Variants in PTPRT observed in about 807,000 individuals in gnomAD.
PTPRT encodes protein tyrosine phosphatase receptor type T.
Under a neutral mutation model 176.8 loss-of-function variants are expected in PTPRT, and 56 were observed. The ratio of observed to expected loss-of-function variants is 0.32; its 90% CI spans 0.26 to 0.40. The LOEUF (loss-of-function observed/expected upper bound fraction) is 0.40, where lower values mean the gene tolerates loss of function less well. PTPRT is among the 10% of genes least tolerant of loss of function. PTPRT has a pLI of 1.00. For synonymous variants in PTPRT, 783 were observed against 739.0 expected, an observed-to-expected ratio of 1.06 and a Z score of -0.96; for missense variants, 1,540 against 1,908.2, an observed-to-expected ratio of 0.81 and a Z score of 3.60.
At chr20:42,524,996 T>C (rs2072243306) in intron 7 of PTPRT, among the ~76,000 whole-genome samples, 1 of 152,178 alleles carries the variant, frequency 6.6e-6, no homozygotes, top group Admixed American at 6.5e-5. Context: ...CATTATCCCA[T>C]TATTCATGCA....
intron 15 of PTPRT, among the ~76,000 whole-genome samples, chr20:42,232,813 CAAAAAAA>C (rs5841454): frequency 1.6e-4 from 10 of 63,238 alleles, no homozygotes; most frequent in African/African-American, 2.9e-4. Flanking sequence ...CTCTGTTTTA[CAAAAAAA>C]AAAAAAAAAA....
intron 6 of PTPRT, among the ~76,000 whole-genome samples, chr20:42,727,296 T>A (rs900769797): frequency 6.6e-6 from 1 of 152,238 alleles, no homozygotes; most frequent in African/African-American, 2.4e-5. Context: ...TTACTTGACA[T>A]CTTTCGGTGA....
intron 13 of PTPRT, among the ~76,000 whole-genome samples, chr20:42,265,774 C>T (rs904689490): frequency 7.2e-5 from 11 of 152,158 alleles, no homozygotes; most frequent in Admixed American, 4.6e-4. Flanking sequence ...CAGGGCATGA[C>T]CCTAGGGAGA....
chr20:42,832,737 G>GA (rs368618133), intron 2 of PTPRT, among the ~76,000 whole-genome samples: 1,066 of 64,410 alleles, frequency 0.017, 18 homozygotes, highest in African/African-American at 0.057. Flanking sequence ...GAAAAGCAAA[G>GA]AAAAAAAAAC....
In PTPRT at chr20:42,603,583, G is replaced by C. The variant is rs146374837; in HGVS notation, c.1153+74283C>G. ...ATAAACAAGGAGTTCGGATTTCATT[G>C]TAAGTGCAATAGGAAGCTCTTAGGG... On this transcript the variant is annotated intron_variant, in intron 7 of 30. Coordinates refer to ENST00000373187, the MANE Select transcript of PTPRT (RefSeq NM_007050.6). Among the ~76,000 whole-genome samples the C allele has an allele frequency of 2.4e-4, 37 of 152,288 alleles. 1 individual carries two copies. In the East Asian group the frequency reaches 6.8e-3, roughly 28 times the overall value.
chr20:42,552,596 C>T (rs1013035782), intron 7 of PTPRT, among the ~76,000 whole-genome samples: 3 of 152,096 alleles, frequency 2.0e-5, no homozygotes, highest in African/African-American at 4.8e-5. Flanking sequence ...AAAATAAATA[C>T]ATTTAATCAC....
intron 16 of PTPRT, among the ~76,000 whole-genome samples, chr20:42,164,064 T>C (rs751839623): frequency 1.3e-5 from 2 of 152,212 alleles, no homozygotes; most frequent in African/African-American, 2.4e-5. Flanking sequence ...TACCTAAAGC[T>C]TGGAGTCATG....
At chr20:43,103,076 T>C (rs575903699) in intron 1 of PTPRT, among the ~76,000 whole-genome samples, 5 of 152,294 alleles carry the variant, frequency 3.3e-5, no homozygotes, top group East Asian at 3.9e-4. Context: ...CCCTGTTTAC[T>C]ACCTGCCAAC....
At chr20:42,987,201 C>T (rs1354472163) in intron 1 of PTPRT, among the ~76,000 whole-genome samples, 2 of 152,196 alleles carry the variant, frequency 1.3e-5, no homozygotes, top group East Asian at 3.9e-4. Flanking sequence ...GGTGATACCA[C>T]TGCCCTGCCA....
chr20:42,191,048 G>A (rs190787815), intron 16 of PTPRT, among the ~76,000 whole-genome samples: 5 of 152,112 alleles, frequency 3.3e-5, no homozygotes, highest in East Asian at 3.9e-4. Flanking sequence ...CACTCAGCAC[G>A]TAAATGGGCA....
chr20:42,344,575 T>G (rs1431809557), intron 11 of PTPRT, among the ~76,000 whole-genome samples: 1 of 152,174 alleles, frequency 6.6e-6, no homozygotes, highest in Non-Finnish European at 1.5e-5. Context: ...CAGAAGGAGC[T>G]GGTGCATTCT....
chr20:42,942,708 AAATGACCTTTAGC>A (rs1378323640), intron 1 of PTPRT, among the ~76,000 whole-genome samples: 1 of 152,226 alleles, frequency 6.6e-6, no homozygotes, highest in Non-Finnish European at 1.5e-5. Context: ...AACTGTGGCT[AAATGACCTTTAGC>A]AAGCGGCCAA....
At chr20:42,633,912 A>T (rs1200084977) in intron 7 of PTPRT, among the ~76,000 whole-genome samples, 3 of 70,948 alleles carry the variant, frequency 4.2e-5, no homozygotes, top group Non-Finnish European at 7.5e-5. Context: ...TATAATATAT[A>T]ATTATATATA....
intron 11 of PTPRT, among the ~76,000 whole-genome samples, chr20:42,336,454 G>A (rs1189677158): frequency 3.3e-5 from 5 of 152,180 alleles, no homozygotes; most frequent in Non-Finnish European, 7.3e-5. Flanking sequence ...AAATGGTGGT[G>A]TTGGGAATGG....
intron 7 of PTPRT, among the ~76,000 whole-genome samples, chr20:42,491,851 A>G (rs1237484188): frequency 6.6e-6 from 1 of 152,166 alleles, no homozygotes; most frequent in Non-Finnish European, 1.5e-5. Context: ...CCTCCCTGCC[A>G]TCTAAAACCC....
intron 2 of PTPRT, among the ~76,000 whole-genome samples, chr20:42,822,382 C>A (rs1000188384): frequency 2.0e-5 from 3 of 152,144 alleles, no homozygotes; most frequent in Admixed American, 6.6e-5. Flanking sequence ...CTTCCTTATA[C>A]CTTATAGAAA....
Position 42,940,552 on chromosome 20 carries a change from T to C in PTPRT, c.89-54620A>G, listed in dbSNP as rs112764523. Among the ~76,000 whole-genome samples the C allele has an allele frequency of 4.5e-3, 680 of 152,170 alleles. 4 individuals are homozygous for C. Among genetic ancestry groups the C allele is most frequent in the African/African-American group, 0.016 (647 of 41,502 alleles). On this transcript the variant is annotated intron_variant, in intron 1 of 30. Coordinates refer to ENST00000373187, the MANE Select transcript of PTPRT (RefSeq NM_007050.6). ...AGGAGATGGGAGACTGTTTATACAT[T>C]GGAGCATTGACAGTGTGTTAGGCAC...
intron 1 of PTPRT, among the ~76,000 whole-genome samples, chr20:42,930,446 G>A (rs1377215250): frequency 6.6e-6 from 1 of 152,028 alleles, no homozygotes; most frequent in Non-Finnish European, 1.5e-5. Context: ...CTACCCTTGT[G>A]CACAATTCCC....
At chr20:42,634,235 G>C (rs1235390336) in intron 7 of PTPRT, among the ~76,000 whole-genome samples, 1 of 140,422 alleles carries the variant, frequency 7.1e-6, no homozygotes, top group African/African-American at 2.7e-5. Flanking sequence ...TGACTGGTCT[G>C]GTAGACCACA....
Sources: gnomAD v4.1 joint callset for allele counts (sites outside exome capture counted in the v4.1 genomes callset) on GRCh38, gnomAD v4.1.1 for gene constraint, MANE v1.5 for transcripts, NCBI Gene and HGNC (gene_info 2026-07-23, HGNC 2026-07-21) for gene names.